The following NFASC variants were observed in gnomAD, a reference collection of about 807,000 sequenced individuals.
NFASC encodes neurofascin homolog.
Under a neutral mutation model 147.5 loss-of-function variants are expected in NFASC, and 43 were observed. That is an observed-to-expected ratio of 0.29 (90% CI 0.23 to 0.38). NFASC has a LOEUF of 0.38. Among genes scored for constraint, NFASC ranks in the 10% least tolerant of loss-of-function variants. The pLI, the probability that NFASC is intolerant of heterozygous loss-of-function variation, is 1.00. For synonymous variants in NFASC, 622 were observed against 665.5 expected (o/e 0.93, Z 1.01); for missense variants, 1,320 against 1,689.0 (o/e 0.78, Z 3.83).
chr1:204,839,926 C>G (rs1231633899), intron 1 of NFASC, among the ~76,000 whole-genome samples: 1 of 152,142 alleles, frequency 6.6e-6, no homozygotes, highest in African/African-American at 2.4e-5. Flanking sequence ...CATGATCACC[C>G]AGGCCCCTGG....
intron 1 of NFASC, among the ~76,000 whole-genome samples, chr1:204,855,720 A>G (rs2076096938): frequency 6.6e-6 from 1 of 152,108 alleles, no homozygotes; most frequent in African/African-American, 2.4e-5. Context: ...TCACCCTCCA[A>G]CCCTTGCTGC....
intron 1 of NFASC, among the ~76,000 whole-genome samples, chr1:204,861,641 C>T (rs1405874906): frequency 1.3e-5 from 2 of 152,202 alleles, no homozygotes; most frequent in Non-Finnish European, 2.9e-5. Flanking sequence ...AGGCTCCTGC[C>T]ACCACGCCCG....
intron 1 of NFASC, among the ~76,000 whole-genome samples, chr1:204,877,039 ATATATATATAATATATTTATTTATATATT>A (rs1558549502): frequency 9.9e-6 from 1 of 100,560 alleles, no homozygotes; most frequent in African/African-American, 6.2e-5. Flanking sequence ...ATATATATTT[ATATATATATAATATATTTATTTATATATT>A]TATATATATA....
intron 28 of NFASC, among the ~76,000 whole-genome samples, chr1:205,012,499 T>C (rs1476453664): frequency 6.6e-6 from 1 of 152,232 alleles, no homozygotes; most frequent in African/African-American, 2.4e-5. Flanking sequence ...CACATCTGTT[T>C]GGTCTTTTGG....
rs931313940 is a variant in NFASC at position 204,987,605 on chromosome 1, T to C, written c.2593+65T>C. 6.3e-7 allele frequency: 1 copy of C among 1,593,584 alleles called. No individual in the cohort carries two copies. The highest frequency in any genetic ancestry group is 8.6e-7 in the Non-Finnish European group (1 of 1,164,236). ...ACCAGAAACCCCATTCTCACCACTT[T>C]TCCTAAGGACTCAAGGTAGAAAGCC... On this transcript the variant is annotated intron_variant, in intron 22 of 29. Coordinates refer to ENST00000339876, the MANE Select transcript of NFASC (RefSeq NM_001005388.3). This position sits in a 1 kb window ranked among gnomAD's most constrained non-coding sequence, Gnocchi z 4.4.
At chr1:204,850,508 C>T (rs999504975) in intron 1 of NFASC, among the ~76,000 whole-genome samples, 1 of 152,190 alleles carries the variant, frequency 6.6e-6, no homozygotes, top group African/African-American at 2.4e-5. Flanking sequence ...TTGTGATCCC[C>T]ACATGTCAGA....
intron 1 of NFASC, among the ~76,000 whole-genome samples, chr1:204,855,703 T>A (rs1254063051): frequency 6.6e-6 from 1 of 152,156 alleles, no homozygotes; most frequent in Non-Finnish European, 1.5e-5. Flanking sequence ...AAGCATTGCC[T>A]TGGACCTCAC....
chr1:204,924,315 G>C (rs2091103339), intron 2 of NFASC, among the ~76,000 whole-genome samples: 1 of 152,232 alleles, frequency 6.6e-6, no homozygotes, highest in Admixed American at 6.5e-5. Context: ...GAAGGAACAG[G>C]TGCTGCTCCC....
intron 1 of NFASC, among the ~76,000 whole-genome samples, chr1:204,846,076 G>T (rs1246080838): frequency 6.6e-6 from 1 of 151,874 alleles, no homozygotes; most frequent in African/African-American, 2.4e-5. Context: ...GGGGCCCATG[G>T]CTGGGCGCCG....
intron 7 of NFASC, among the ~76,000 whole-genome samples, chr1:204,957,205 G>A (rs944174488): frequency 2.0e-5 from 3 of 152,170 alleles, no homozygotes; most frequent in African/African-American, 4.8e-5. Context: ...CCTATATGCC[G>A]AGTCCTAAGA....
intron 2 of NFASC, among the ~76,000 whole-genome samples, chr1:204,943,265 T>G (rs1397499538): frequency 1.3e-5 from 2 of 152,322 alleles, no homozygotes; most frequent in Admixed American, 1.3e-4. Context: ...TAAAGCACTC[T>G]ATTTGAGTCT....
chr1:204,863,971 AAAAG>A (rs926967451), intron 1 of NFASC, among the ~76,000 whole-genome samples: 5 of 152,110 alleles, frequency 3.3e-5, no homozygotes, highest in Middle Eastern at 3.4e-3. Context: ...AAAGAGAAAG[AAAAG>A]AAAGAAAGAA....
At chr1:204,976,892 C>A in intron 16 of NFASC, 97 bp downstream of exon 16, 2 of 1,522,918 alleles carry the variant, frequency 1.3e-6, no homozygotes, top group Non-Finnish European at 8.8e-7. Flanking sequence ...GCAGTGCCTG[C>A]AGTCAAGTGG....
At chr1:204,856,382 G>GGTGTGTGT (rs57653534) in intron 1 of NFASC, among the ~76,000 whole-genome samples, 39,422 of 139,500 alleles carry the variant, frequency 0.28, 6,586 homozygotes, top group Non-Finnish European at 0.38. Context: ...ATGCAGAACA[G>GGTGTGTGT]GTGTGTGTGT....
At chr1:204,973,487 T>C (rs548682068) in intron 12 of NFASC, 68 bp downstream of exon 12, 7 of 1,571,982 alleles carry the variant, frequency 4.5e-6, no homozygotes, top group Non-Finnish European at 6.1e-6. Context: ...TGGGGCTTGG[T>C]TATGTCGTGG....
At chr1:204,973,500 C>G in intron 12 of NFASC, 81 bp downstream of exon 12, 1 of 1,528,390 alleles carries the variant, frequency 6.5e-7, no homozygotes, top group Non-Finnish European at 8.9e-7. Flanking sequence ...TGTCGTGGGG[C>G]ACACTTTCTT....
At chr1:205,009,879 T>G in intron 28 of NFASC, 191 bp downstream of exon 28, 1 of 653,220 alleles carries the variant, frequency 1.5e-6, no homozygotes, top group East Asian at 2.8e-5. Context: ...TAAGTTCGCC[T>G]GAGTTGGGCG....
chr1:204,949,053 CT>C (rs759152671), intron 3 of NFASC, among the ~76,000 whole-genome samples: 5 of 152,256 alleles, frequency 3.3e-5, no homozygotes, highest in Admixed American at 6.5e-5. Context: ...TGCTTTCCCC[CT>C]GGACTTTTCA....
Position 204,988,642 on chromosome 1 carries a change from C to T in NFASC, c.2603C>T (p.Thr868Ile). The T allele has an allele frequency of 6.2e-7, 1 of 1,614,142 alleles. No individual in the cohort carries two copies. Among genetic ancestry groups the T allele is most frequent in the Non-Finnish European group, 8.5e-7 (1 of 1,179,970 alleles). ...YTLKYVAFNG[T>I]KVGKQIVENF... ...ACCTCTCTCTCCCCAGTTAACGGGA[C>T]CAAAGTAGGAAAGCAGATAGTGGAA... The change falls in exon 23 of 30, where the codon ACC becomes ATC. Residue 868 changes from threonine to isoleucine, a missense_variant. Around this residue, in one of 3 missense-constraint regions of NFASC, gnomAD observed 981 missense variants for 1,289.5 expected, o/e 0.76. Transcript: ENST00000339876.
Sources: gnomAD v4.1 joint callset for allele counts (sites outside exome capture counted in the v4.1 genomes callset) on GRCh38, gnomAD v4.1.1 for gene constraint, gnomAD v4.1.1 regional missense constraint, Gnocchi (gnomAD v3.1) non-coding constraint, MANE v1.5 for transcripts, NCBI Gene and HGNC (gene_info 2026-07-23, HGNC 2026-07-21) for gene names.